Variants in MECOM observed in about 807,000 individuals in gnomAD.
MECOM encodes histone-lysine N-methyltransferase MECOM.
In MECOM, 13 loss-of-function variants were observed where a neutral mutation model predicts 116.3. The ratio of observed to expected loss-of-function variants is 0.11; its 90% CI spans 0.07 to 0.18. The LOEUF (loss-of-function observed/expected upper bound fraction) is 0.18. Among genes scored for constraint, MECOM ranks in the 10% least tolerant of loss-of-function variants. MECOM has a pLI of 1.00. For synonymous variants in MECOM, 528 were observed against 535.2 expected (o/e 0.99, Z 0.19); for missense variants, 1,299 against 1,509.0 (o/e 0.86, Z 2.31).
At position 169,528,261 on chromosome 3, in the gene MECOM, C is replaced by T. The variant is rs16853970; in HGVS notation, c.37+135075G>A. ...CAAACATATATACAAGAGAGGACATCGGGATACAATAATAAGCTGAGACTC... is the reference window on the plus strand; with the variant it reads ...CAAACATATATACAAGAGAGGACATTGGGATACAATAATAAGCTGAGACTC... On this transcript the variant is annotated intron_variant, in intron 1 of 16. Transcript: ENST00000651503. Among the ~76,000 whole-genome samples, 2,417 of 152,246 alleles carry T rather than the reference C, an allele frequency of 0.016. 235 individuals are homozygous for T. In the East Asian group the frequency reaches 0.3, roughly 19 times the overall value.
chr3:169,383,638 A>G (rs1204756383), intron 1 of MECOM, among the ~76,000 whole-genome samples: 1 of 152,172 alleles, frequency 6.6e-6, no homozygotes, highest in African/African-American at 2.4e-5. Context: ...ACTATCCATC[A>G]ACACTGAGCC....
intron 1 of MECOM, among the ~76,000 whole-genome samples, chr3:169,562,139 CAAAAAAAAA>C (rs10714325): frequency 2.8e-4 from 7 of 25,280 alleles, no homozygotes; most frequent in East Asian, 7.4e-4. Context: ...GAGCAATACT[CAAAAAAAAA>C]AAAAAAAAAA....
intron 1 of MECOM, among the ~76,000 whole-genome samples, chr3:169,522,055 G>A (rs1757413567): frequency 6.6e-6 from 1 of 152,074 alleles, no homozygotes; most frequent in Admixed American, 6.6e-5. Flanking sequence ...TTTGGTATCC[G>A]TGAAGGGTCC....
In MECOM at chr3:169,570,642, C is replaced by T. The variant is rs140801803; in HGVS notation, c.37+92694G>A. On this transcript the variant is annotated intron_variant, in intron 1 of 16. Coordinates refer to ENST00000651503, the MANE Select transcript of MECOM (RefSeq NM_004991.4). The stretch of plus-strand genomic sequence containing the variant: ...AGTACATTAAAAAGCTTATCCACCA[C>T]GATCAAGTCGGCTTCTTCCCTGGGA... 1.5e-3 allele frequency among the ~76,000 whole-genome samples: 226 copies of T among 152,280 alleles called. 1 individual carries two copies. The highest frequency in any genetic ancestry group is 5.2e-3 in the African/African-American group (217 of 41,560).
At chr3:169,494,498 A>G (rs1431875100) in intron 1 of MECOM, among the ~76,000 whole-genome samples, 1 of 152,232 alleles carries the variant, frequency 6.6e-6, no homozygotes, top group Non-Finnish European at 1.5e-5. Context: ...AGTTAAAAAG[A>G]TCAAACTATT....
intron 2 of MECOM, among the ~76,000 whole-genome samples, chr3:169,205,737 C>T (rs1483115552): frequency 6.6e-6 from 1 of 151,992 alleles, no homozygotes; most frequent in Non-Finnish European, 1.5e-5. Context: ...CATGTTTTGG[C>T]CAAATTAGAT....
At chr3:169,149,973 GTGTGTC>G (rs1451881357) in intron 2 of MECOM, among the ~76,000 whole-genome samples, 423 of 138,856 alleles carry the variant, frequency 3.0e-3, no homozygotes, top group Admixed American at 4.9e-3. Flanking sequence ...GTGTGTGTGT[GTGTGTC>G]TGTCTGTCTG....
chr3:169,363,944 G>A (rs1191204112), intron 2 of MECOM, among the ~76,000 whole-genome samples: 2 of 151,920 alleles, frequency 1.3e-5, no homozygotes, highest in Non-Finnish European at 2.9e-5. Context: ...TTATGAAGTG[G>A]TAGTCTTTGG....
At chr3:169,280,648 G>A (rs987201219) in intron 2 of MECOM, among the ~76,000 whole-genome samples, 1 of 152,172 alleles carries the variant, frequency 6.6e-6, no homozygotes, top group Non-Finnish European at 1.5e-5. Context: ...TATGGATGAA[G>A]GGGACAGGTC....
intron 1 of MECOM, among the ~76,000 whole-genome samples, chr3:169,520,148 A>T (rs1455326795): frequency 6.6e-6 from 1 of 152,258 alleles, no homozygotes; most frequent in Non-Finnish European, 1.5e-5. Context: ...GCAAAAGAAC[A>T]AGATAGAACA....
chr3:169,239,509 C>T (rs1577435588), intron 2 of MECOM, among the ~76,000 whole-genome samples: 1 of 151,564 alleles, frequency 6.6e-6, no homozygotes, highest in African/African-American at 2.4e-5. Flanking sequence ...TCAAGGGAAA[C>T]CTATTAACTA....
At chr3:169,146,661 G>A in intron 2 of MECOM, 1 of 1,347,384 alleles carries the variant, frequency 7.4e-7, no homozygotes, top group Non-Finnish European at 9.8e-7. Flanking sequence ...GAAACTGTCC[G>A]AAGTGACAAA....
At chr3:169,273,043 A>C (rs575559782) in intron 2 of MECOM, among the ~76,000 whole-genome samples, 105 of 152,246 alleles carry the variant, frequency 6.9e-4, no homozygotes, top group African/African-American at 2.4e-3. Context: ...CAGAAATATG[A>C]AAAACAGGTA....
chr3:169,161,302 G>T (rs186501906), intron 2 of MECOM, among the ~76,000 whole-genome samples: 1 of 152,122 alleles, frequency 6.6e-6, no homozygotes, highest in Non-Finnish European at 1.5e-5. Context: ...ATAAGTGCTG[G>T]CAATGGCAGC....
chr3:169,149,933 C>CTGTGTGTGTGTGTGTG (rs1160142424), intron 2 of MECOM, among the ~76,000 whole-genome samples: 2 of 116,092 alleles, frequency 1.7e-5, no homozygotes, highest in Non-Finnish European at 3.7e-5. Context: ...CTTTCTCTCT[C>CTGTGTGTGTGTGTGTG]TCTGTGTGTG....
chr3:169,372,934 A>G (rs1362409965), intron 2 of MECOM, among the ~76,000 whole-genome samples: 5 of 151,982 alleles, frequency 3.3e-5, no homozygotes, highest in Non-Finnish European at 7.4e-5. Flanking sequence ...CCTGTTTCCC[A>G]CTGCTCCGCA....
chr3:169,561,908 G>A (rs1576887510), intron 1 of MECOM, among the ~76,000 whole-genome samples: 1 of 151,520 alleles, frequency 6.6e-6, no homozygotes, highest in Non-Finnish European at 1.5e-5. Flanking sequence ...CACTTTGGGA[G>A]GCCTAAGAGG....
At chr3:169,425,309 C>T (rs926591971) in intron 1 of MECOM, among the ~76,000 whole-genome samples, 1 of 152,100 alleles carries the variant, frequency 6.6e-6, no homozygotes, top group African/African-American at 2.4e-5. Context: ...CACGAGAAAA[C>T]GGAGCTATGA....
In MECOM at chr3:169,472,746, GGA is replaced by G. The variant is rs1749761383; in HGVS notation, c.38-91224_38-91223del. Among the ~76,000 whole-genome samples, 4 of 143,556 alleles carry G rather than the reference GGA, an allele frequency of 2.8e-5. No homozygotes were observed. The East Asian group carries it at 6.2e-4, about 22-fold the overall frequency. 94.2% of individuals were successfully genotyped at this position (143,556 alleles called of 152,430 possible). The stretch of plus-strand genomic sequence containing the variant: ...GAGGGGGAAGGAAGGAAGGAAGGAA[GGA>G]AGAAGAGAGGGAGGGAAAGAAAGTA... On this transcript the variant is annotated intron_variant, in intron 1 of 16. Transcript: ENST00000651503.
Sources: allele counts gnomAD v4.1 joint callset (sites outside exome capture counted in the v4.1 genomes callset), GRCh38; gene constraint gnomAD v4.1.1; transcripts MANE v1.5; gene names NCBI Gene and HGNC (gene_info 2026-07-23, HGNC 2026-07-21).